The following TMEM132D variants were observed in gnomAD, a reference collection of about 807,000 sequenced individuals.
TMEM132D encodes the protein transmembrane protein 132D.
In TMEM132D, 21 loss-of-function variants were observed where a neutral mutation model predicts 62.3. The ratio of observed to expected loss-of-function variants is 0.34; its 90% confidence interval spans 0.24 to 0.49. The LOEUF is 0.49. TMEM132D is among the 20% of genes least tolerant of loss of function. TMEM132D has a pLI of 0.99. For synonymous variants in TMEM132D, 621 were observed against 575.6 expected, an observed-to-expected ratio of 1.08 and a Z score of -1.13; for missense variants, 1,346 against 1,402.8, an observed-to-expected ratio of 0.96 and a Z score of 0.65.
intron 4 of TMEM132D, among the ~76,000 whole-genome samples, chr12:129,288,632 G>T (rs1881367237): frequency 2.0e-5 from 3 of 152,152 alleles, no homozygotes; most frequent in Admixed American, 2.0e-4. Context: ...GGAGAAATTT[G>T]ATCCCTTGTA....
At chr12:129,693,090 A>G (rs1022049569) in intron 2 of TMEM132D, among the ~76,000 whole-genome samples, 1 of 152,212 alleles carries the variant, frequency 6.6e-6, no homozygotes, top group African/African-American at 2.4e-5. Flanking sequence ...AACTTTCTCA[A>G]CTTCATAAAG....
intron 5 of TMEM132D, chr12:129,170,008 G>A (rs1031489191): frequency 2.0e-5 from 3 of 152,342 alleles, no homozygotes; most frequent in Admixed American, 2.0e-4. Flanking sequence ...CCTCACGCTT[G>A]CTGTGGTTCT....
At chr12:129,472,625 C>G (rs779072173) in intron 3 of TMEM132D, among the ~76,000 whole-genome samples, 2 of 152,062 alleles carry the variant, frequency 1.3e-5, no homozygotes. Context: ...ACAACCCCAT[C>G]AAAAAGAGGA....
intron 5 of TMEM132D, among the ~76,000 whole-genome samples, chr12:129,132,565 C>G (rs1265805883): frequency 6.6e-6 from 1 of 152,146 alleles, no homozygotes; most frequent in African/African-American, 2.4e-5. Context: ...TGTTTTAAAG[C>G]TATAAGTTTG....
intron 1 of TMEM132D, among the ~76,000 whole-genome samples, chr12:129,796,375 T>C (rs1871561580): frequency 1.3e-5 from 2 of 152,216 alleles, no homozygotes; most frequent in Admixed American, 6.5e-5. Context: ...ACTGCTTCTG[T>C]TGTTTTCATT....
At chr12:129,883,007 G>A (rs189999180) in intron 1 of TMEM132D, among the ~76,000 whole-genome samples, 64 of 152,236 alleles carry the variant, frequency 4.2e-4, no homozygotes, top group African/African-American at 1.5e-3. Context: ...ATTCAACACC[G>A]TTCTGGGGAC....
At chr12:129,849,927 G>C (rs956667) in intron 1 of TMEM132D, among the ~76,000 whole-genome samples, 43,793 of 152,058 alleles carry the variant, frequency 0.29, 6,527 homozygotes, top group East Asian at 0.59. Context: ...CACCACCTCA[G>C]CCTGCCTGTC....
chr12:129,553,601 C>A (rs1268081260), intron 2 of TMEM132D, among the ~76,000 whole-genome samples: 1 of 152,146 alleles, frequency 6.6e-6, no homozygotes, highest in Non-Finnish European at 1.5e-5. Flanking sequence ...TGTAAATGTT[C>A]CCACCATGAC....
At chr12:129,504,895 G>T (rs1198378580) in intron 3 of TMEM132D, among the ~76,000 whole-genome samples, 1 of 152,058 alleles carries the variant, frequency 6.6e-6, no homozygotes, top group Non-Finnish European at 1.5e-5. Flanking sequence ...TATCCCACAG[G>T]TTTTTATAGG....
At chr12:129,836,548 G>A (rs983906496) in intron 1 of TMEM132D, among the ~76,000 whole-genome samples, 1 of 152,006 alleles carries the variant, frequency 6.6e-6, no homozygotes, top group Admixed American at 6.6e-5. Flanking sequence ...CGAATACTGA[G>A]AGAATGTCAT....
At chr12:129,786,376 A>C (rs1343909515) in intron 1 of TMEM132D, among the ~76,000 whole-genome samples, 1 of 152,194 alleles carries the variant, frequency 6.6e-6, no homozygotes, top group Non-Finnish European at 1.5e-5. Flanking sequence ...GTAGCAATAC[A>C]AATGCACAAG....
intron 4 of TMEM132D, among the ~76,000 whole-genome samples, chr12:129,331,982 G>A (rs544835290): frequency 5.0e-4 from 76 of 152,292 alleles, no homozygotes; most frequent in Non-Finnish European, 1.1e-3. Flanking sequence ...AGGCAGAGGC[G>A]GGTGGATTGC....
intron 2 of TMEM132D, among the ~76,000 whole-genome samples, chr12:129,638,455 TG>T (rs1180267981): frequency 6.7e-6 from 1 of 150,166 alleles, no homozygotes; most frequent in East Asian, 2.0e-4. Context: ...CTACTTTCAT[TG>T]AAAAAAAATC....
chr12:129,301,502 C>A (rs546207795), intron 4 of TMEM132D, among the ~76,000 whole-genome samples: 11 of 152,056 alleles, frequency 7.2e-5, no homozygotes, highest in Non-Finnish European at 1.6e-4. Context: ...CTTCCTCATG[C>A]GACCTGCTTC....
chr12:129,485,079 T>G (rs949745436), intron 3 of TMEM132D, among the ~76,000 whole-genome samples: 5 of 152,110 alleles, frequency 3.3e-5, no homozygotes, highest in African/African-American at 1.2e-4. Context: ...AGCACTGAAT[T>G]TGGAAGGTGA....
intron 1 of TMEM132D, among the ~76,000 whole-genome samples, chr12:129,849,954 G>T (rs570537892): frequency 6.6e-6 from 1 of 152,196 alleles, no homozygotes; most frequent in African/African-American, 2.4e-5. Context: ...AATGGATGGG[G>T]ATATTTGCAT....
At chr12:129,361,472 A>G (rs1000901698) in intron 3 of TMEM132D, among the ~76,000 whole-genome samples, 2 of 152,184 alleles carry the variant, frequency 1.3e-5, no homozygotes, top group African/African-American at 2.4e-5. Context: ...ATAAAGGGCA[A>G]ATGGAGAAAC....
At position 129,223,815 on chromosome 12, in the gene TMEM132D, C is replaced by T. The variant is rs557375669; in HGVS notation, c.1300-14152G>A. On this transcript the variant is annotated intron_variant, in intron 4 of 8. Coordinates refer to ENST00000422113, the MANE Select transcript of TMEM132D (RefSeq NM_133448.3). ...CTGAAACATAATGAAGTCATCTGTG[C>T]TTCGTACAAAGGTTGGATCTCAGAG... Among the ~76,000 whole-genome samples, 32 of 152,284 alleles carry T rather than the reference C, an allele frequency of 2.1e-4. No individual in the cohort carries two copies. In the South Asian group the frequency reaches 3.3e-3, roughly 16 times the overall value.
intron 1 of TMEM132D, among the ~76,000 whole-genome samples, chr12:129,849,512 T>C (rs1873466575): frequency 6.6e-6 from 1 of 152,330 alleles, no homozygotes; most frequent in South Asian, 2.1e-4. Flanking sequence ...TCGAGTTATG[T>C]GAACACAGCT....
Sources: allele counts gnomAD v4.1 joint callset (sites outside exome capture counted in the v4.1 genomes callset), GRCh38; gene constraint gnomAD v4.1.1; transcripts MANE v1.5; gene names NCBI Gene and HGNC (gene_info 2026-07-23, HGNC 2026-07-21).